The following ADAMTS16 variants were observed in gnomAD, a reference collection of about 807,000 sequenced individuals.
ADAMTS16 encodes ADAM metallopeptidase with thrombospondin type 1 motif 16.
ADAMTS16 carries 94 observed loss-of-function variants against 145.8 expected under a neutral mutation model. The observed-to-expected ratio is 0.64, with a 90% CI of 0.55 to 0.77. The LOEUF is 0.77. ADAMTS16 is among the 30% of genes least tolerant of loss of function. The pLI is 0.00. For missense variants in ADAMTS16, 1,585 were observed against 1,591.5 expected, an observed-to-expected ratio of 1.00 and a Z score of 0.07; for synonymous variants, 659 against 604.3, an observed-to-expected ratio of 1.09 and a Z score of -1.33.
chr5:5,201,715 C>T (rs1735962806), intron 9 of ADAMTS16, among the ~76,000 whole-genome samples: 1 of 152,058 alleles, frequency 6.6e-6, no homozygotes, highest in Non-Finnish European at 1.5e-5. Context: ...CAAGAAGTCC[C>T]CAGGCTAGGA....
In ADAMTS16 at chr5:5,317,317, C is replaced by T. The variant is rs1301580204; in HGVS notation, c.3412-817C>T. ...GGGGATCTAAGTTTGTTCTTCCTTG[C>T]TGCCTGTAATTTGAGGAGATAATAT... is the stretch of plus-strand genomic sequence containing the variant. On this transcript the variant is annotated intron_variant, in intron 21 of 22. Transcript: ENST00000274181. This position sits in a 1 kb window ranked among gnomAD's most constrained non-coding sequence, Gnocchi z 4.5. 2.0e-5 allele frequency among the ~76,000 whole-genome samples: 3 copies of T among 152,192 alleles called. No homozygotes were observed. The highest frequency in any genetic ancestry group is 4.4e-5 in the Non-Finnish European group (3 of 68,034).
chr5:5,265,455 A>G (rs910557836), intron 18 of ADAMTS16, among the ~76,000 whole-genome samples: 3 of 152,170 alleles, frequency 2.0e-5, no homozygotes, highest in Non-Finnish European at 4.4e-5. Flanking sequence ...CATAGAAGTG[A>G]GGCTCCCACC....
intron 21 of ADAMTS16, among the ~76,000 whole-genome samples, chr5:5,316,310 TTG>T (rs1734057425): frequency 6.6e-6 from 1 of 152,232 alleles, no homozygotes; most frequent in South Asian, 2.1e-4. Context: ...AACAGTTTTG[TTG>T]TTTTTTTCAC....
chr5:5,296,798 C>T (rs1368221679), intron 18 of ADAMTS16, among the ~76,000 whole-genome samples: 1 of 152,158 alleles, frequency 6.6e-6, no homozygotes, highest in Non-Finnish European at 1.5e-5. Flanking sequence ...TTACCTCTTA[C>T]TCAGACAGGA....
chr5:5,290,604 C>G (rs977702658), intron 18 of ADAMTS16, among the ~76,000 whole-genome samples: 1 of 152,022 alleles, frequency 6.6e-6, no homozygotes, highest in African/African-American at 2.4e-5. Context: ...GAGCTGAGAC[C>G]GAGCCTTTGT....
At chr5:5,301,419 C>A (rs12109419) in intron 18 of ADAMTS16, among the ~76,000 whole-genome samples, 2 of 151,992 alleles carry the variant, frequency 1.3e-5, no homozygotes, top group Admixed American at 1.3e-4. Context: ...ATAAAACTTG[C>A]ATATACTGCC....
intron 16 of ADAMTS16, among the ~76,000 whole-genome samples, chr5:5,241,054 C>A (rs1305036275): frequency 1.3e-5 from 2 of 151,996 alleles, no homozygotes; most frequent in Non-Finnish European, 2.9e-5. Context: ...CAGTGCAACC[C>A]CCTGTCCTGG....
chr5:5,158,397 T>A (rs1344957303), intron 3 of ADAMTS16, among the ~76,000 whole-genome samples: 1 of 152,152 alleles, frequency 6.6e-6, no homozygotes, highest in African/African-American at 2.4e-5. Context: ...ATGCTAGTTC[T>A]ATCTGTACTG....
In ADAMTS16 at chr5:5,232,357, GA is replaced by G; in HGVS notation, c.1702-7del. ...TGAGTCAAGTCAACTTATTTATGTT[GA>G]AAATTTTAGTGGTGCCGGGGAGGAC... is the stretch of plus-strand genomic sequence containing the variant. On this transcript the variant is annotated splice_polypyrimidine_tract_variant and intron_variant, in intron 11 of 22. Coordinates refer to ENST00000274181, the MANE Select transcript of ADAMTS16 (RefSeq NM_139056.4). The G allele has an allele frequency of 6.2e-7, 1 of 1,613,948 alleles. No individual in the cohort carries two copies.
At chr5:5,247,385 C>CA (rs1474067388) in intron 17 of ADAMTS16, among the ~76,000 whole-genome samples, 1 of 152,058 alleles carries the variant, frequency 6.6e-6, no homozygotes, top group Non-Finnish European at 1.5e-5. Context: ...CCTTTCTTCC[C>CA]AAAAAAGCAG....
chr5:5,274,502 T>C (rs1738608350), intron 18 of ADAMTS16, among the ~76,000 whole-genome samples: 1 of 152,186 alleles, frequency 6.6e-6, no homozygotes, highest in Non-Finnish European at 1.5e-5. Flanking sequence ...GTCACATGCG[T>C]GTAAGTTTCC....
intron 3 of ADAMTS16, among the ~76,000 whole-genome samples, chr5:5,149,572 A>G (rs566241541): frequency 6.6e-6 from 1 of 152,354 alleles, no homozygotes; most frequent in African/African-American, 2.4e-5. Context: ...TAAAGAGTTA[A>G]TTAGCTCTAT....
intron 13 of ADAMTS16, among the ~76,000 whole-genome samples, chr5:5,236,272 T>A (rs2964434): frequency 2.0e-5 from 3 of 151,948 alleles, no homozygotes; most frequent in Non-Finnish European, 2.9e-5. Flanking sequence ...CTAAGACAGA[T>A]GAAATTTTCA....
intron 21 of ADAMTS16, among the ~76,000 whole-genome samples, chr5:5,309,155 G>A (rs1740310695): frequency 6.6e-6 from 1 of 152,162 alleles, no homozygotes; most frequent in Non-Finnish European, 1.5e-5. Context: ...ACCAAAATCT[G>A]AGGATGCACA....
intron 17 of ADAMTS16, among the ~76,000 whole-genome samples, chr5:5,252,143 CT>C (rs1349668538): frequency 6.6e-6 from 1 of 152,238 alleles, no homozygotes; most frequent in Non-Finnish European, 1.5e-5. Flanking sequence ...GCCACCGTGC[CT>C]GGCCGTCGGT....
At chr5:5,189,655 T>C (rs1312812828) in intron 6 of ADAMTS16, among the ~76,000 whole-genome samples, 4 of 152,344 alleles carry the variant, frequency 2.6e-5, no homozygotes, top group East Asian at 1.9e-4. Context: ...TTTTGAAAAG[T>C]GTTTTTGAAA....
intron 8 of ADAMTS16, among the ~76,000 whole-genome samples, chr5:5,192,120 A>T (rs1456824472): frequency 1.3e-5 from 2 of 152,184 alleles, no homozygotes; most frequent in Non-Finnish European, 2.9e-5. Context: ...AATAGATGGA[A>T]CTACAGGCAT....
chr5:5,264,538 G>A (rs746831469), intron 18 of ADAMTS16, among the ~76,000 whole-genome samples: 23 of 152,246 alleles, frequency 1.5e-4, no homozygotes, highest in South Asian at 4.1e-4. Flanking sequence ...GGGAGGCACC[G>A]TCTCTTTTTG....
intron 18 of ADAMTS16, among the ~76,000 whole-genome samples, chr5:5,271,366 C>T (rs990438579): frequency 6.6e-6 from 1 of 152,204 alleles, no homozygotes; most frequent in African/African-American, 2.4e-5. Context: ...CCTCCAGGAC[C>T]GGGGAGCTGT....
Sources: gnomAD v4.1 joint callset for allele counts (sites outside exome capture counted in the v4.1 genomes callset) on GRCh38, gnomAD v4.1.1 for gene constraint, Gnocchi (gnomAD v3.1) non-coding constraint, MANE v1.5 for transcripts, NCBI Gene and HGNC (gene_info 2026-07-23, HGNC 2026-07-21) for gene names.